Variants in AFG1L observed in about 807,000 individuals in gnomAD.
The protein encoded by AFG1L is AFG1-like ATPase.
AFG1L carries 53 observed loss-of-function variants against 62.2 expected under a neutral mutation model. The ratio of observed to expected loss-of-function variants is 0.85; its 90% confidence interval spans 0.68 to 1.07. The LOEUF is 1.07. Ranked by LOEUF, AFG1L falls within the 50% of genes least tolerant of loss-of-function variation. The probability of loss-of-function intolerance (pLI) is 0.00; values close to 1 mark genes in which losing one functional copy is unlikely to be tolerated. For synonymous variants in AFG1L, 228 were observed against 210.3 expected, an observed-to-expected ratio of 1.08 and a Z score of -0.73; for missense variants, 555 against 590.5, an observed-to-expected ratio of 0.94 and a Z score of 0.62.
At chr6:108,518,653 TA>T (rs900829467) in intron 11 of AFG1L, among the ~76,000 whole-genome samples, 25 of 151,760 alleles carry the variant, frequency 1.6e-4, no homozygotes, top group Middle Eastern at 3.2e-3. Flanking sequence ...AGTATAATAA[TA>T]AAAAAAAGAA....
intron 2 of AFG1L, among the ~76,000 whole-genome samples, chr6:108,337,310 A>G (rs899512099): frequency 4.6e-5 from 7 of 152,198 alleles, no homozygotes; most frequent in African/African-American, 1.2e-4. Flanking sequence ...GGGTGCCTCA[A>G]TTTGAGAACT....
At chr6:108,397,741 C>T (rs1377893507) in intron 6 of AFG1L, among the ~76,000 whole-genome samples, 1 of 152,204 alleles carries the variant, frequency 6.6e-6, no homozygotes, top group African/African-American at 2.4e-5. Flanking sequence ...GCTCATTTCA[C>T]TTAACCCAAT....
chr6:108,426,966 A>G (rs1314486147), intron 7 of AFG1L, among the ~76,000 whole-genome samples: 1 of 152,108 alleles, frequency 6.6e-6, no homozygotes, highest in Non-Finnish European at 1.5e-5. Context: ...ATGTCCAAAC[A>G]TATAGTTTTG....
Position 108,510,492 on chromosome 6 carries a change from G to A in AFG1L, c.1203+140G>A, listed in dbSNP as rs112470636. On this transcript the variant is annotated intron_variant, in intron 11 of 12. Coordinates refer to ENST00000368977, the MANE Select transcript of AFG1L (RefSeq NM_145315.5). ...CTCCATTCCCTCATGTGTGAATTGG[G>A]GATGATAATATTATTTACTTCTGAG... is the stretch of plus-strand genomic sequence containing the variant. 102 of 646,436 alleles carry A rather than the reference G, an allele frequency of 1.6e-4. No individual in the cohort carries two copies. The African/African-American group carries it at 1.7e-3, about 11-fold the overall frequency. The allele number at this position is 646,436 out of a possible 1,614,324, so 40.0% of individuals were successfully genotyped here. A position where few individuals can be genotyped will look rare whatever the true frequency, so the allele number is the denominator to read the frequency against.
At chr6:108,359,109 C>T (rs1779417862) in intron 5 of AFG1L, 1 of 151,930 alleles carries the variant, frequency 6.6e-6, no homozygotes, top group Non-Finnish European at 1.5e-5. Flanking sequence ...TTATATTTGT[C>T]CTTATACCAA....
At chr6:108,458,440 G>A (rs1248691234) in intron 8 of AFG1L, among the ~76,000 whole-genome samples, 2 of 151,910 alleles carry the variant, frequency 1.3e-5, no homozygotes. Flanking sequence ...GTTAGAGGTG[G>A]CATTTTTCCT....
intron 7 of AFG1L, among the ~76,000 whole-genome samples, chr6:108,406,284 C>T (rs1160847410): frequency 6.6e-6 from 1 of 151,888 alleles, no homozygotes. Context: ...CTGCATTTTC[C>T]CCAACACTTA....
At chr6:108,302,164 C>T (rs1205110658) in intron 1 of AFG1L, among the ~76,000 whole-genome samples, 4 of 152,102 alleles carry the variant, frequency 2.6e-5, no homozygotes, top group Admixed American at 6.6e-5. Flanking sequence ...CCAGGCTGGT[C>T]TTGAACTCTT....
Position 108,416,184 on chromosome 6 carries a change from T to C in AFG1L, c.807+14130T>C, listed in dbSNP as rs564486826. Among the ~76,000 whole-genome samples the C allele has an allele frequency of 4.7e-4, 72 of 152,330 alleles. 1 individual carries two copies. The South Asian group carries it at 0.013, about 28-fold the overall frequency. ...ACACATGAAAAAATGCTCATCATCATTGGCCACGAGAGAAATGCAAATCCA... is the reference window on the plus strand; with the variant it reads ...ACACATGAAAAAATGCTCATCATCACTGGCCACGAGAGAAATGCAAATCCA... On this transcript the variant is annotated intron_variant, in intron 7 of 12. Transcript: ENST00000368977.
chr6:108,295,090 C>T lies in AFG1L; in HGVS notation c.11C>T (p.Ser4Phe). 6.2e-7 allele frequency: 1 copy of T among 1,611,328 alleles called. No homozygotes were observed. The highest frequency in any genetic ancestry group is 8.5e-7 in the Non-Finnish European group (1 of 1,179,994). ...CGTACGGAGTTCAAGATGGCGGCCT[C>T]CTGGTCGCTCTTGGTTACCCTGCGC... MAA[S>F]WSLLVTLRPL... The change falls in exon 1 of 13, where the codon TCC (serine) becomes TTC (phenylalanine). Residue 4 changes from serine (S) to phenylalanine (F), a missense_variant. Coordinates refer to ENST00000368977, the MANE Select transcript of AFG1L (RefSeq NM_145315.5).
chr6:108,468,542 T>G (rs1772760102), intron 8 of AFG1L, among the ~76,000 whole-genome samples: 1 of 152,128 alleles, frequency 6.6e-6, no homozygotes. Context: ...GGAATGGAGC[T>G]TTTTTCCATT....
chr6:108,524,400 C>T lies in AFG1L; in HGVS notation c.*1975C>T, dbSNP rs909016789. ...AGTGTATGTAGAAGAGTCCCCCTGT[C>T]AAGTTATGTTATAAAAGTTCATCTG... On this transcript the variant is annotated 3_prime_UTR_variant, in exon 13 of 13. Transcript: ENST00000368977. The T allele has an allele frequency of 1.3e-5, 2 of 152,164 alleles. No individual in the cohort carries two copies. The highest frequency in any genetic ancestry group is 3.8e-4 in the East Asian group (2 of 5,202). 9.4% of individuals were successfully genotyped at this position (152,164 alleles called of 1,614,324 possible).
rs542508625 is a variant in AFG1L at position 108,514,608 on chromosome 6, G to C, written c.1203+4256G>C. Among the ~76,000 whole-genome samples the C allele has an allele frequency of 6.4e-3, 967 of 152,244 alleles. 14 individuals are homozygous for C. The highest frequency in any genetic ancestry group is 0.038 in the South Asian group (182 of 4,826). On this transcript the variant is annotated intron_variant, in intron 11 of 12. Transcript: ENST00000368977. Reference sequence around the variant, plus strand: ...CATCCACTAACGAGCAAAATAACCAGCTAACATCATAATGACAGGATCAAA... The same window carrying C: ...CATCCACTAACGAGCAAAATAACCACCTAACATCATAATGACAGGATCAAA...
At chr6:108,411,456 T>G (rs571637003) in intron 7 of AFG1L, among the ~76,000 whole-genome samples, 1 of 152,320 alleles carries the variant, frequency 6.6e-6, no homozygotes, top group East Asian at 1.9e-4. Flanking sequence ...ATGGACAGAC[T>G]GCCTCTCAAG....
intron 2 of AFG1L, among the ~76,000 whole-genome samples, chr6:108,346,292 C>T (rs536958193): frequency 4.1e-4 from 62 of 152,266 alleles, no homozygotes; most frequent in South Asian, 2.3e-3. Context: ...TCTTGTAAAA[C>T]TGAAACTCTG....
At chr6:108,325,208 ACT>A (rs1777991238) in intron 2 of AFG1L, among the ~76,000 whole-genome samples, 1 of 151,708 alleles carries the variant, frequency 6.6e-6, no homozygotes, top group Non-Finnish European at 1.5e-5. Context: ...ACTCTTCCAC[ACT>A]CTGCTCTGGC....
chr6:108,446,097 CACACA>C lies in AFG1L; in HGVS notation c.808-1116_808-1112del, dbSNP rs1562166684. ...ACACACACACACACACACACACACA[CACACA>C]CCCCTACATATATTCCTCTCATTGC... is the stretch of plus-strand genomic sequence containing the variant. On this transcript the variant is annotated intron_variant, in intron 7 of 12. Coordinates refer to ENST00000368977, the MANE Select transcript of AFG1L (RefSeq NM_145315.5). Among the ~76,000 whole-genome samples, 143 of 114,926 alleles carry C rather than the reference CACACA, an allele frequency of 1.2e-3. 4 individuals are homozygous for C. The highest frequency in any genetic ancestry group is 9.1e-3 in the Admixed American group (107 of 11,738). 75.4% of individuals were successfully genotyped at this position (114,926 alleles called of 152,430 possible).
chr6:108,410,377 T>TA (rs1215841558), intron 7 of AFG1L, among the ~76,000 whole-genome samples: 2 of 152,154 alleles, frequency 1.3e-5, no homozygotes, highest in Non-Finnish European at 2.9e-5. Context: ...AAAAGAATCT[T>TA]ACAATCATAT....
At chr6:108,371,444 C>G (rs981332655) in intron 6 of AFG1L, among the ~76,000 whole-genome samples, 1 of 151,970 alleles carries the variant, frequency 6.6e-6, no homozygotes, top group Non-Finnish European at 1.5e-5. Context: ...GGCCTGGTGG[C>G]AAGTGGTACT....
Sources: allele counts gnomAD v4.1 joint callset (sites outside exome capture counted in the v4.1 genomes callset), GRCh38; gene constraint gnomAD v4.1.1; transcripts MANE v1.5; gene names NCBI Gene and HGNC (gene_info 2026-07-23, HGNC 2026-07-21).